PPHLN1: variants seen among roughly 807,000 people sequenced by gnomAD.
PPHLN1 encodes the protein periphilin-1.
Under a neutral mutation model 51.3 loss-of-function variants are expected in PPHLN1, and 29 were observed. That is an observed-to-expected ratio of 0.57 (90% CI 0.42 to 0.77). The LOEUF is 0.77. PPHLN1 is among the 30% of genes least tolerant of loss of function. PPHLN1 has a pLI of 0.00. For missense variants in PPHLN1, 436 were observed against 438.4 expected (o/e 0.99, Z 0.05); for synonymous variants, 147 against 147.8 (o/e 0.99, Z 0.04).
intron 9 of PPHLN1, among the ~76,000 whole-genome samples, chr12:42,433,950 A>T (rs887649766): frequency 2.0e-5 from 3 of 152,142 alleles, no homozygotes; most frequent in Non-Finnish European, 4.4e-5. Flanking sequence ...AATTTATTTT[A>T]AAAAAACATA....
At chr12:42,431,982 ATCTGAT>A (rs2082077393) in intron 9 of PPHLN1, 17 of 1,478,600 alleles carry the variant, frequency 1.1e-5, no homozygotes, top group Non-Finnish European at 1.6e-5. Context: ...CTGCAGTCTG[ATCTGAT>A]TCTGATTATC....
At chr12:42,437,740 G>T (rs2082607431) in intron 9 of PPHLN1, among the ~76,000 whole-genome samples, 1 of 152,152 alleles carries the variant, frequency 6.6e-6, no homozygotes, top group Non-Finnish European at 1.5e-5. Context: ...ACAGTTCTGT[G>T]AATTTTGACA....
chr12:42,431,159 C>T (rs1483205804), intron 9 of PPHLN1, among the ~76,000 whole-genome samples: 1 of 152,162 alleles, frequency 6.6e-6, no homozygotes, highest in African/African-American at 2.4e-5. Flanking sequence ...CAGTGGTCTG[C>T]AGATTTTTCT....
chr12:42,417,279 A>G (rs2080473790), intron 9 of PPHLN1, among the ~76,000 whole-genome samples: 2 of 152,252 alleles, frequency 1.3e-5, no homozygotes, highest in Admixed American at 1.3e-4. Context: ...TAGCACAGAT[A>G]TAGGAACTAA....
chr12:42,437,762 T>C (rs1305012937), intron 9 of PPHLN1, among the ~76,000 whole-genome samples: 2 of 152,232 alleles, frequency 1.3e-5, no homozygotes, highest in African/African-American at 4.8e-5. Flanking sequence ...ATGTATAATA[T>C]ATCATTCAGT....
rs994683315 is a variant in PPHLN1, at chr12:42,377,600, T to G, written c.511+2526T>G. On this transcript the variant is annotated intron_variant, in intron 5 of 9. Coordinates refer to ENST00000358314, the MANE Select transcript of PPHLN1 (RefSeq NM_201439.2). ...ATTACAGGCATGAGCCACTGTGCTC[T>G]GCCCTTACGACCTGTTTTTGGGATG... is the stretch of plus-strand genomic sequence containing the variant. Among the ~76,000 whole-genome samples, 6 of 152,266 alleles carry G rather than the reference T, an allele frequency of 3.9e-5. No individual in the cohort carries two copies. The South Asian group carries it at 1.0e-3, about 26-fold the overall frequency.
intron 2 of PPHLN1, chr12:42,350,135 C>G (rs182653394): frequency 6.9e-6 from 1 of 145,006 alleles, no homozygotes; most frequent in Admixed American, 6.8e-5. Flanking sequence ...CCAGACGGGG[C>G]GGCTGCCGGG....
chr12:42,425,193 C>T (rs2081340667), intron 9 of PPHLN1, among the ~76,000 whole-genome samples: 1 of 151,866 alleles, frequency 6.6e-6, no homozygotes, highest in South Asian at 2.1e-4. Context: ...AATTCTCCCA[C>T]CTCAGCCTCC....
chr12:42,402,185 T>C (rs1236118985), intron 9 of PPHLN1, among the ~76,000 whole-genome samples: 3 of 152,162 alleles, frequency 2.0e-5, no homozygotes, highest in East Asian at 1.9e-4. Flanking sequence ...TCAGGGACAC[T>C]TGGGGAAAGG....
intron 4 of PPHLN1, among the ~76,000 whole-genome samples, chr12:42,370,156 C>T (rs865980983): frequency 3.0e-4 from 45 of 152,280 alleles, no homozygotes; most frequent in Admixed American, 1.6e-3. Flanking sequence ...TTTAACATTT[C>T]GTGTGCATAG....
intron 9 of PPHLN1, among the ~76,000 whole-genome samples, chr12:42,439,505 T>C (rs1455316603): frequency 6.6e-6 from 1 of 152,210 alleles, no homozygotes; most frequent in Non-Finnish European, 1.5e-5. Context: ...TGTGTTGTTT[T>C]TTGTTTGTTT....
chr12:42,358,283 C>CAT lies in PPHLN1; in HGVS notation c.299+3069_299+3070dup, dbSNP rs542143481. ...ACATTTTACATAAATGAAATAAAAA[C>CAT]ATATATATAAATCTCTAATCCCCAC... On this transcript the variant is annotated intron_variant, in intron 4 of 9. Transcript: ENST00000358314. Among the ~76,000 whole-genome samples the CAT allele has an allele frequency of 1.3e-3, 200 of 152,138 alleles. 1 individual carries two copies. Among genetic ancestry groups the CAT allele is most frequent in the Non-Finnish European group, 2.1e-3 (145 of 67,998 alleles).
At chr12:42,367,895 C>T (rs932029577) in intron 4 of PPHLN1, among the ~76,000 whole-genome samples, 30 of 152,148 alleles carry the variant, frequency 2.0e-4, no homozygotes, top group African/African-American at 6.7e-4. Flanking sequence ...CCACCATGCC[C>T]GGCTAATTTT....
chr12:42,340,776 C>CT (rs1055678602), intron 2 of PPHLN1, among the ~76,000 whole-genome samples: 1 of 151,984 alleles, frequency 6.6e-6, no homozygotes, highest in Admixed American at 6.6e-5. Flanking sequence ...GATTTGTACA[C>CT]TTTTTTATAT....
At chr12:42,337,350 C>T (rs1339693730) in intron 2 of PPHLN1, among the ~76,000 whole-genome samples, 3 of 150,032 alleles carry the variant, frequency 2.0e-5, no homozygotes, top group South Asian at 2.1e-4. Context: ...TCACTCTTGT[C>T]GCCCAGGCTG....
downstream of PPHLN1, chr12:42,446,274 A>G: frequency 6.3e-7 from 1 of 1,597,218 alleles, no homozygotes; most frequent in Non-Finnish European, 8.5e-7. Flanking sequence ...TCTGTTGTAC[A>G]TTGCAACTCA....
At chr12:42,347,377 C>T (rs1459001116) in intron 2 of PPHLN1, among the ~76,000 whole-genome samples, 2 of 152,196 alleles carry the variant, frequency 1.3e-5, no homozygotes, top group Admixed American at 6.5e-5. Context: ...AGGAAAATTA[C>T]ATGTTTACAG....
chr12:42,441,386 A>G lies in PPHLN1; in HGVS notation c.981A>G (p.Glu327=), dbSNP rs1261453992. The G allele has an allele frequency of 4.3e-6, 7 of 1,613,850 alleles. No individual in the cohort carries two copies. Among genetic ancestry groups the G allele is most frequent in the Non-Finnish European group, 5.9e-6 (7 of 1,179,870 alleles). The change falls in exon 10 of 10, where the codon GAA becomes GAG. Residue 327 remains glutamate, a synonymous_variant. Coordinates refer to ENST00000358314, the MANE Select transcript of PPHLN1 (RefSeq NM_201439.2). The part of the protein sequence containing the change: ...KMLIEKDPSL[E]KSIQFALRQN... ...TGATTGAAAAAGATCCTTCATTAGA[A>G]AAGTCTATACAGTTTGCATTGAGGC... is the stretch of plus-strand genomic sequence containing the variant.
chr12:42,433,041 C>T (rs1449227138), intron 9 of PPHLN1: 10 of 937,944 alleles, frequency 1.1e-5, no homozygotes, highest in Non-Finnish European at 1.8e-5. Context: ...GGAAAATCCA[C>T]TGTGCATTTA....
Sources: allele counts gnomAD v4.1 joint callset (sites outside exome capture counted in the v4.1 genomes callset), GRCh38; gene constraint gnomAD v4.1.1; transcripts MANE v1.5; gene names NCBI Gene and HGNC (gene_info 2026-07-23, HGNC 2026-07-21).